Variants in G3BP2 observed in about 807,000 individuals in gnomAD.
G3BP2 encodes ras GTPase-activating protein-binding protein 2.
A neutral mutation model predicts 56.7 loss-of-function variants in G3BP2; 11 were observed. That is an observed-to-expected ratio of 0.19 (90% confidence interval 0.12 to 0.32). The LOEUF (loss-of-function observed/expected upper bound fraction) is 0.32, where lower values mean the gene tolerates loss of function less well. G3BP2 is among the 10% of genes least tolerant of loss of function. G3BP2 has a pLI of 1.00. For missense variants in G3BP2, 340 were observed against 610.9 expected, an observed-to-expected ratio of 0.56 and a Z score of 4.67; for synonymous variants, 165 against 191.6, an observed-to-expected ratio of 0.86 and a Z score of 1.15.
chr4:75,687,999 T>G (rs1324459770), intron 3 of G3BP2, among the ~76,000 whole-genome samples: 3 of 152,226 alleles, frequency 2.0e-5, no homozygotes, highest in Non-Finnish European at 4.4e-5. Flanking sequence ...CCCAGCCTGC[T>G]GCCACTGGGC....
chr4:75,701,369 T>G (rs1054730400), intron 3 of G3BP2, among the ~76,000 whole-genome samples: 1 of 151,894 alleles, frequency 6.6e-6, no homozygotes, highest in Non-Finnish European at 1.5e-5. Context: ...CTAAGCTCAA[T>G]GCAACCTCCG....
intron 3 of G3BP2, among the ~76,000 whole-genome samples, chr4:75,691,692 C>T (rs113893753): frequency 2.6e-5 from 4 of 152,284 alleles, no homozygotes; most frequent in Non-Finnish European, 4.4e-5. Context: ...CTTGGTTGCA[C>T]GTTGAAATCA....
chr4:75,721,448 G>A (rs564252494), intron 2 of G3BP2, among the ~76,000 whole-genome samples: 2 of 151,984 alleles, frequency 1.3e-5, no homozygotes, highest in African/African-American at 2.4e-5. Flanking sequence ...TGTAGAGACA[G>A]GGTTTTGCCA....
intron 3 of G3BP2, 91 bp downstream of exon 3, chr4:75,658,752 G>A (rs550428682): frequency 5.3e-5 from 42 of 790,518 alleles, no homozygotes; most frequent in South Asian, 1.4e-4. Flanking sequence ...AAGAAAGAAA[G>A]AAAAAAAAAG....
chr4:75,680,426 C>T (rs896579727), intron 3 of G3BP2, among the ~76,000 whole-genome samples: 1 of 152,204 alleles, frequency 6.6e-6, no homozygotes, highest in Non-Finnish European at 1.5e-5. Context: ...CTGACCTTGA[C>T]TTTCCTCAGT....
upstream of G3BP2, among the ~76,000 whole-genome samples, chr4:75,678,248 C>T (rs1334764930): frequency 6.6e-6 from 1 of 152,082 alleles, no homozygotes; most frequent in Non-Finnish European, 1.5e-5. Context: ...CTCGACTTCT[C>T]AGCCTCCTGA....
At chr4:75,653,595 A>AC (rs1230048373) in intron 8 of G3BP2, among the ~76,000 whole-genome samples, 87 of 151,108 alleles carry the variant, frequency 5.8e-4, no homozygotes, top group African/African-American at 2.0e-3. Context: ...GCTTTAAAAA[A>AC]AAAAAAAAAA....
chr4:75,707,771 A>AT lies in G3BP2; in HGVS notation c.-25+13105dup, dbSNP rs1389828457. Among the ~76,000 whole-genome samples, 31 of 152,280 alleles carry AT rather than the reference A, an allele frequency of 2.0e-4. No individual in the cohort carries two copies. In the East Asian group the frequency reaches 5.6e-3, roughly 27 times the overall value. On this transcript the variant is annotated intron_variant, in intron 3 of 3. Transcript: ENST00000499709. ...TTTTATGAAATTAAAATGAACTTGC[A>AT]TTTTTCAAACTTTGTGGCATTTACT... is the stretch of plus-strand genomic sequence containing the variant.
chr4:75,664,761 A>C (rs1030341177), intron 1 of G3BP2, among the ~76,000 whole-genome samples: 1 of 152,048 alleles, frequency 6.6e-6, no homozygotes, highest in African/African-American at 2.4e-5. Context: ...GGCACAAAAA[A>C]TCACTTTAAC....
chr4:75,669,951 G>A (rs1411182512), intron 1 of G3BP2, among the ~76,000 whole-genome samples: 4 of 152,198 alleles, frequency 2.6e-5, no homozygotes, highest in African/African-American at 7.2e-5. Context: ...AAAGTTAGCC[G>A]TGTGCAGTGG....
intron 3 of G3BP2, among the ~76,000 whole-genome samples, chr4:75,708,259 G>A (rs34962268): frequency 0.23 from 34,258 of 152,086 alleles, 4,123 homozygotes; most frequent in Middle Eastern, 0.37. Flanking sequence ...AAAGAACTTG[G>A]CAAACATGTT....
upstream of G3BP2, among the ~76,000 whole-genome samples, chr4:75,678,299 TG>T: frequency 3.9e-4 from 2 of 5,112 alleles, 1 homozygote; most frequent in South Asian, 9.3e-3. Flanking sequence ...GCCTAGCTTG[TG>T]TGTGTGTGTG....
intron 1 of G3BP2, among the ~76,000 whole-genome samples, chr4:75,670,975 G>T (rs948514453): frequency 1.3e-5 from 2 of 152,156 alleles, no homozygotes; most frequent in Non-Finnish European, 2.9e-5. Context: ...GAAAATCCAA[G>T]AATAATTTTC....
chr4:75,719,303 C>G (rs1336360680), intron 3 of G3BP2, among the ~76,000 whole-genome samples: 1 of 145,614 alleles, frequency 6.9e-6, no homozygotes, highest in East Asian at 2.0e-4. Flanking sequence ...AGCCGAGATC[C>G]CGCCACTGCA....
intron 3 of G3BP2, among the ~76,000 whole-genome samples, chr4:75,692,403 C>G (rs532900867): frequency 1.6e-4 from 25 of 152,204 alleles, no homozygotes; most frequent in Admixed American, 6.5e-4. Context: ...CTTCCGCCTC[C>G]CAGGTTCAAG....
At chr4:75,653,549 C>T (rs1731858835) in intron 8 of G3BP2, among the ~76,000 whole-genome samples, 1 of 132,288 alleles carries the variant, frequency 7.6e-6, no homozygotes, top group Non-Finnish European at 1.5e-5. Flanking sequence ...GCTTAGGCAG[C>T]GTATGTTAAA....
rs1266393504 is a variant in G3BP2, at chr4:75,644,494, C to A, written c.*936G>T. The stretch of plus-strand genomic sequence containing the variant: ...ACAGCAATTCATACACTATACTGTA[C>A]AAAATTACCAGCAAGACTGGAATGA... On this transcript the variant is annotated 3_prime_UTR_variant, in exon 12 of 12. Transcript: ENST00000359707. 6.6e-6 allele frequency: 1 copy of A among 152,566 alleles called. No homozygotes were observed. The highest frequency in any genetic ancestry group is 2.4e-5 in the African/African-American group (1 of 41,406). The allele number at this position is 152,566 out of a possible 1,614,324, so 9.5% of individuals were successfully genotyped here. A position where few individuals can be genotyped will look rare whatever the true frequency, so the allele number is the denominator to read the frequency against.
intron 3 of G3BP2, among the ~76,000 whole-genome samples, chr4:75,718,579 G>C (rs925398650): frequency 3.3e-5 from 5 of 152,152 alleles, no homozygotes; most frequent in African/African-American, 1.2e-4. Context: ...AGATTTCCTA[G>C]GAGAAATGTG....
intron 3 of G3BP2, among the ~76,000 whole-genome samples, chr4:75,697,297 AAAAAG>A (rs1404381367): frequency 0.12 from 9,297 of 76,510 alleles, 1,492 homozygotes; most frequent in Middle Eastern, 0.19. Context: ...AAAAAAAAAA[AAAAAG>A]ATCATGAAAT....
Sources: allele counts gnomAD v4.1 joint callset (sites outside exome capture counted in the v4.1 genomes callset), GRCh38; gene constraint gnomAD v4.1.1; transcripts MANE v1.5; gene names NCBI Gene and HGNC (gene_info 2026-07-23, HGNC 2026-07-21).